GAK: variants seen among roughly 807,000 people sequenced by gnomAD.
GAK encodes cyclin G associated kinase, also known as cyclin-G-associated kinase.
In GAK, 79 loss-of-function variants were observed where a neutral mutation model predicts 143.9. The observed-to-expected ratio is 0.55, with a 90% CI of 0.46 to 0.66. The LOEUF (loss-of-function observed/expected upper bound fraction) is 0.66, where lower values mean the gene tolerates loss of function less well. Ranked by LOEUF, GAK falls within the 30% of genes least tolerant of loss-of-function variation. The pLI is 0.00. For missense variants in GAK, 1,693 were observed against 1,779.7 expected (o/e 0.95, Z 0.88); for synonymous variants, 881 against 765.5 (o/e 1.15, Z -2.49).
At position 865,439 on chromosome 4, in the gene GAK, G is replaced by A. The variant is rs535465812; in HGVS notation, c.3044-195C>T. Among the ~76,000 whole-genome samples the A allele has an allele frequency of 3.3e-5, 5 of 151,978 alleles. No individual in the cohort carries two copies. The South Asian group carries it at 1.0e-3, about 32-fold the overall frequency. On this transcript the variant is annotated intron_variant, in intron 22 of 27. Coordinates refer to ENST00000314167, the MANE Select transcript of GAK (RefSeq NM_005255.4). Reference sequence around the variant, plus strand: ...CCCATCACACAGAACTGAGCGAGTGGACGTAGGGGCACCAGCAGGCGGAGC... The same window carrying A: ...CCCATCACACAGAACTGAGCGAGTGAACGTAGGGGCACCAGCAGGCGGAGC...
chr4:867,626 A>G (rs1382529602), intron 20 of GAK, among the ~76,000 whole-genome samples, 194 bp from the exon 21 acceptor site: 1 of 149,804 alleles, frequency 6.7e-6, no homozygotes, highest in Non-Finnish European at 1.5e-5. Context: ...GGCCAGCACC[A>G]GGGTCCCCAT....
chr4:871,869 T>C (rs1233819388), intron 18 of GAK, among the ~76,000 whole-genome samples: 3 of 152,216 alleles, frequency 2.0e-5, no homozygotes, highest in Non-Finnish European at 4.4e-5. Flanking sequence ...TAAACTGCAC[T>C]GATAAGCCTG....
intron 10 of GAK, among the ~76,000 whole-genome samples, chr4:890,211 C>A (rs1426070933): frequency 1.3e-5 from 2 of 152,216 alleles, no homozygotes; most frequent in Non-Finnish European, 2.9e-5. Context: ...CTGCCTCCCA[C>A]ATAACCCCTG....
chr4:858,511 G>A (rs970922984), intron 24 of GAK, among the ~76,000 whole-genome samples: 5 of 152,142 alleles, frequency 3.3e-5, no homozygotes, highest in Non-Finnish European at 7.3e-5. Context: ...CAACCCCACC[G>A]TGCTCTCAGA....
chr4:871,929 C>T (rs1247566301), intron 18 of GAK, among the ~76,000 whole-genome samples: 3 of 152,180 alleles, frequency 2.0e-5, no homozygotes, highest in East Asian at 1.9e-4. Flanking sequence ...TTTTACGCCA[C>T]CTAAAATCTC....
In GAK at chr4:882,821, T is replaced by C; in HGVS notation, c.1405-2A>G. 6.2e-7 allele frequency: 1 copy of C among 1,609,014 alleles called. No individual in the cohort carries two copies. On this transcript the variant is annotated splice_acceptor_variant, in intron 13 of 27. Transcript: ENST00000314167. LOFTEE classifies it high-confidence loss of function. ...TGCTGCCCAGCCACACTCGGAGACC[T>C]GTGGGGACAGGGCACGGTGGCACGG...
intron 10 of GAK, among the ~76,000 whole-genome samples, chr4:890,040 T>C (rs1460412032): frequency 6.6e-6 from 1 of 152,172 alleles, no homozygotes; most frequent in Non-Finnish European, 1.5e-5. Flanking sequence ...TAGTAAATGG[T>C]TCACCTTGCC....
At position 922,964 on chromosome 4, in the gene GAK, C is replaced by T. The variant is rs185383937; in HGVS notation, c.145+9079G>A. Among the ~76,000 whole-genome samples, 532 of 152,294 alleles carry T rather than the reference C, an allele frequency of 3.5e-3. 8 individuals are homozygous for T. The highest frequency in any genetic ancestry group is 3.9e-3 in the Non-Finnish European group (267 of 68,026). ...ACACTCACGCAGAGGAGTCTCACCA[C>T]GGGAAACAAGCTACTGACACACAAT... On this transcript the variant is annotated intron_variant, in intron 1 of 27. Coordinates refer to ENST00000314167, the MANE Select transcript of GAK (RefSeq NM_005255.4).
intron 7 of GAK, chr4:894,257 C>T (rs540634839): frequency 1.3e-4 from 38 of 292,044 alleles, no homozygotes; most frequent in Middle Eastern, 2.0e-3. Context: ...CCGCGGGGAG[C>T]GCAGGGGTGA....
At chr4:853,803 CT>C (rs34083653) in intron 24 of GAK, 85,178 of 144,660 alleles carry the variant, frequency 0.59, 24,776 homozygotes, top group South Asian at 0.8. Context: ...TGCCCATTTT[CT>C]TTTTTTTTTT....
At chr4:849,833 G>GCCCCCCCCC in intron 27 of GAK, 59 bp from the exon 28 acceptor site, 1 of 1,190,154 alleles carries the variant, frequency 8.4e-7, no homozygotes, top group Non-Finnish European at 1.2e-6. Context: ...GGCGGGGCAG[G>GCCCCCCCCC]ACCCCCCCCC....
At chr4:917,497 TAGTAAC>T (rs1230846397) in intron 1 of GAK, among the ~76,000 whole-genome samples, 2 of 152,100 alleles carry the variant, frequency 1.3e-5, no homozygotes, top group African/African-American at 4.8e-5. Flanking sequence ...AATGGATCTA[TAGTAAC>T]AGAAGGCCAA....
chr4:883,528 G>A (rs1466834046), intron 12 of GAK, 65 bp from the exon 13 acceptor site: 9 of 1,567,300 alleles, frequency 5.7e-6, no homozygotes, highest in Admixed American at 1.7e-5. Context: ...CTGCTGCTGC[G>A]GCCTCGCTGC....
chr4:873,240 G>C (rs1193018209), intron 18 of GAK, among the ~76,000 whole-genome samples: 3 of 152,184 alleles, frequency 2.0e-5, no homozygotes, highest in African/African-American at 7.2e-5. Context: ...GTGGTATTTT[G>C]ATTATCAATG....
At chr4:851,161 G>C (rs1748074556) in intron 25 of GAK, 77 bp from the exon 26 acceptor site, 1 of 1,306,824 alleles carries the variant, frequency 7.7e-7, no homozygotes. Flanking sequence ...GCAATGGCGT[G>C]ATCTCAGCTC....
chr4:892,007 C>G (rs373257138), intron 9 of GAK, among the ~76,000 whole-genome samples: 4 of 152,180 alleles, frequency 2.6e-5, no homozygotes, highest in African/African-American at 7.2e-5. Context: ...GGCACCACAG[C>G]CTCTCCCCGT....
At chr4:903,757 G>C (rs1048654882) in intron 5 of GAK, among the ~76,000 whole-genome samples, 1 of 151,158 alleles carries the variant, frequency 6.6e-6, no homozygotes, top group Admixed American at 6.6e-5. Flanking sequence ...ATAGGGTCCT[G>C]AACTGACACC....
intron 1 of GAK, among the ~76,000 whole-genome samples, chr4:916,332 C>G (rs775353350): frequency 2.5e-4 from 38 of 152,144 alleles, no homozygotes; most frequent in Non-Finnish European, 5.0e-4. Flanking sequence ...TATCACAACC[C>G]ACTGCCTCGA....
At chr4:903,752 G>T (rs574206000) in intron 5 of GAK, among the ~76,000 whole-genome samples, 1 of 150,888 alleles carries the variant, frequency 6.6e-6, no homozygotes, top group South Asian at 2.1e-4. Context: ...CAGGAATAGG[G>T]TCCTGAACTG....
Sources: gnomAD v4.1 joint callset for allele counts (sites outside exome capture counted in the v4.1 genomes callset) on GRCh38, gnomAD v4.1.1 for gene constraint, MANE v1.5 for transcripts, NCBI Gene and HGNC (gene_info 2026-07-23, HGNC 2026-07-21) for gene names.